PTPRS: variants seen among roughly 807,000 people sequenced by gnomAD.
PTPRS encodes the protein receptor-type tyrosine-protein phosphatase S.
PTPRS carries 63 observed loss-of-function variants against 215.3 expected under a neutral mutation model. That is an observed-to-expected ratio of 0.29 (90% confidence interval 0.24 to 0.36). The LOEUF (loss-of-function observed/expected upper bound fraction) is 0.36, where lower values mean the gene tolerates loss of function less well. Ranked by LOEUF, PTPRS falls within the 10% of genes least tolerant of loss-of-function variation. The pLI is 1.00. For missense variants in PTPRS, 2,258 were observed against 2,825.8 expected, an observed-to-expected ratio of 0.80 and a Z score of 4.56; for synonymous variants, 1,404 against 1,191.4, an observed-to-expected ratio of 1.18 and a Z score of -3.68.
rs761238630 is a variant in PTPRS at position 5,214,344 on chromosome 19, C to G, written c.4614+17G>C. 6.2e-7 allele frequency: 1 copy of G among 1,613,958 alleles called. No homozygotes were observed. The highest frequency in any genetic ancestry group is 1.1e-5 in the South Asian group (1 of 91,078). On this transcript the variant is annotated intron_variant, in intron 30 of 37. Transcript: ENST00000262963. ...CATTCCTCCACCCTCAGCCCCCAGC[C>G]CCAGCCTGGGCCCCACCTTGTGCAG... is the stretch of plus-strand genomic sequence containing the variant.
At chr19:5,211,405 T>G (rs1366286023) in intron 33 of PTPRS, among the ~76,000 whole-genome samples, 185 bp downstream of exon 33, 1 of 152,130 alleles carries the variant, frequency 6.6e-6, no homozygotes, top group Non-Finnish European at 1.5e-5. Flanking sequence ...CAGCCATCAG[T>G]TAAACACACA....
chr19:5,306,813 C>T (rs767526805), intron 1 of PTPRS, among the ~76,000 whole-genome samples: 12 of 152,154 alleles, frequency 7.9e-5, no homozygotes, highest in African/African-American at 1.4e-4. Flanking sequence ...ATGAGTAGGT[C>T]CTAATAGTCC....
chr19:5,325,466 C>T (rs16992922), intron 1 of PTPRS, among the ~76,000 whole-genome samples: 20,004 of 152,278 alleles, frequency 0.13, 2,152 homozygotes, highest in African/African-American at 0.28. Flanking sequence ...CTCAAACCAG[C>T]GCATCTGAGA....
chr19:5,231,618 A>G lies in PTPRS; in HGVS notation c.1850-3T>C. 4.4e-6 allele frequency: 2 copies of G among 458,280 alleles called. No individual in the cohort carries two copies. The highest frequency in any genetic ancestry group is 5.6e-6 in the Non-Finnish European group (2 of 357,972). 28.4% of individuals were successfully genotyped at this position (458,280 alleles called of 1,614,324 possible). ...GTCTTGAGGGGGGGCTGACGGTTCT[A>G]TTGGAGGGGGGGAGAACGTGGGGGG... On this transcript the variant is annotated splice_region_variant and splice_polypyrimidine_tract_variant and intron_variant, in intron 13 of 37. Coordinates refer to ENST00000262963, the MANE Select transcript of PTPRS (RefSeq NM_002850.4).
rs2044309077 is a variant in PTPRS, at chr19:5,244,588, C to T, written c.989-106G>A. On this transcript the variant is annotated intron_variant, in intron 10 of 37. Coordinates refer to ENST00000262963, the MANE Select transcript of PTPRS (RefSeq NM_002850.4). The surrounding 1 kb of genome is among the most constrained non-coding windows in gnomAD (Gnocchi z 7.2). ...GTCGCCTTCTCTGAGCCTTGATTTGCCCAGCAGTAATCATGGGCCTCATGA... is the reference window on the plus strand; with the variant it reads ...GTCGCCTTCTCTGAGCCTTGATTTGTCCAGCAGTAATCATGGGCCTCATGA... 1.1e-6 allele frequency: 1 copy of T among 909,464 alleles called. No homozygotes were observed. Among genetic ancestry groups the T allele is most frequent in the East Asian group, 2.6e-5 (1 of 38,294 alleles). The allele number at this position is 909,464 out of a possible 1,614,324, so 56.3% of individuals were successfully genotyped here. A position where few individuals can be genotyped will look rare whatever the true frequency, so the allele number is the denominator to read the frequency against.
chr19:5,313,088 T>C (rs959546502), intron 1 of PTPRS, among the ~76,000 whole-genome samples: 7 of 152,198 alleles, frequency 4.6e-5, no homozygotes, highest in African/African-American at 1.4e-4. Context: ...CTAATTTTTT[T>C]GTATTTTTAG....
chr19:5,259,564 C>A (rs540950492), intron 7 of PTPRS, among the ~76,000 whole-genome samples: 27 of 152,336 alleles, frequency 1.8e-4, no homozygotes, highest in African/African-American at 5.3e-4. Flanking sequence ...TTTGTAATCA[C>A]AGGCCTGGAT....
chr19:5,254,411 A>G (rs1438792331), intron 9 of PTPRS, among the ~76,000 whole-genome samples: 2 of 136,312 alleles, frequency 1.5e-5, no homozygotes, highest in Non-Finnish European at 3.0e-5. Flanking sequence ...CTACACGGAT[A>G]TTTTATTGGG....
rs540525308 is a variant in PTPRS at position 5,237,773 on chromosome 19, G to A, written c.1849+1146C>T. On this transcript the variant is annotated intron_variant, in intron 13 of 37. Transcript: ENST00000262963. This position sits in a 1 kb window ranked among gnomAD's most constrained non-coding sequence, Gnocchi z 4.2. ...CTCACTGACTCCACCTCACACAGAC[G>A]CGCCCAGACGCCTTGGAGCCGCCAG... Among the ~76,000 whole-genome samples, 6 of 152,218 alleles carry A rather than the reference G, an allele frequency of 3.9e-5. No individual in the cohort carries two copies. Among genetic ancestry groups the A allele is most frequent in the South Asian group, 2.1e-4 (1 of 4,820 alleles).
chr19:5,295,830 T>A lies in PTPRS; in HGVS notation c.-94-9596A>T, dbSNP rs1175168552. ...ATCATGGCTCACTCTAGCCTCAACC[T>A]CCTGGGCTCAACCTCCTGGGCTCAA... is the stretch of plus-strand genomic sequence containing the variant. On this transcript the variant is annotated intron_variant, in intron 1 of 37. Coordinates refer to ENST00000262963, the MANE Select transcript of PTPRS (RefSeq NM_002850.4). The surrounding 1 kb of genome is among the most constrained non-coding windows in gnomAD (Gnocchi z 4.6). Among the ~76,000 whole-genome samples, 1 of 151,828 alleles carries A rather than the reference T, an allele frequency of 6.6e-6. No individual in the cohort carries two copies. Among genetic ancestry groups the A allele is most frequent in the African/African-American group, 2.4e-5 (1 of 41,214 alleles).
At chr19:5,225,412 A>T (rs750722629) in intron 17 of PTPRS, among the ~76,000 whole-genome samples, 9 of 152,204 alleles carry the variant, frequency 5.9e-5, no homozygotes, top group Non-Finnish European at 1.2e-4. Context: ...CAGCAGGGGA[A>T]GGGGTATCCT....
Position 5,287,170 on chromosome 19 carries a change from T to C in PTPRS, c.-94-936A>G, listed in dbSNP as rs2048416780. Among the ~76,000 whole-genome samples the C allele has an allele frequency of 6.6e-6, 1 of 152,044 alleles. No individual in the cohort carries two copies. The highest frequency in any genetic ancestry group is 1.5e-5 in the Non-Finnish European group (1 of 67,986). ...TCAGTCCCACCTCCAAGCCTTTGCT[T>C]CTGCTGTGCCCTCTGCCTGGAATGC... is the stretch of plus-strand genomic sequence containing the variant. On this transcript the variant is annotated intron_variant, in intron 1 of 37. Coordinates refer to ENST00000262963, the MANE Select transcript of PTPRS (RefSeq NM_002850.4). The surrounding 1 kb of genome is among the most constrained non-coding windows in gnomAD (Gnocchi z 4.8).
chr19:5,211,071 T>C (rs966005107), intron 33 of PTPRS, among the ~76,000 whole-genome samples: 1 of 152,182 alleles, frequency 6.6e-6, no homozygotes, highest in Non-Finnish European at 1.5e-5. Context: ...CTTCCCTCCA[T>C]CTCCTTCAAG....
intron 1 of PTPRS, among the ~76,000 whole-genome samples, chr19:5,307,049 A>C (rs1600088329): frequency 1.3e-5 from 2 of 152,242 alleles, no homozygotes; most frequent in East Asian, 3.8e-4. Context: ...TCACGCCTGC[A>C]ATCCCAGCAC....
Position 5,238,951 on chromosome 19 carries a change from G to T in PTPRS, c.1817C>A (p.Thr606Asn), listed in dbSNP as rs750809679. ...ARSPQGLGAF[T>N]PVVRQRTLQS... ...CAGCGTGCGCTGCCGCACCACGGGG[G>T]TGAAGGCGCCCAGGCCCTGCGGCGA... The change falls in exon 13 of 38, where the codon ACC (threonine) becomes AAC (asparagine). Residue 606 changes from threonine to asparagine, a missense_variant. Physicochemically the swap from Thr to Asn is moderately conservative, Grantham distance 65 (BLOSUM62 0). Around this residue, in one of 6 missense-constraint regions of PTPRS, gnomAD observed 371 missense variants for 446.7 expected, o/e 0.83. Coordinates refer to ENST00000262963, the MANE Select transcript of PTPRS (RefSeq NM_002850.4). 1.9e-6 allele frequency: 3 copies of T among 1,611,150 alleles called. No homozygotes were observed. The highest frequency in any genetic ancestry group is 2.7e-5 in the African/African-American group (2 of 74,796).
At chr19:5,269,559 C>T (rs925565984) in intron 4 of PTPRS, among the ~76,000 whole-genome samples, 2 of 151,964 alleles carry the variant, frequency 1.3e-5, no homozygotes, top group Non-Finnish European at 2.9e-5. Context: ...ATCCAAGGCC[C>T]CGGGCCCCAG....
chr19:5,245,398 C>T (rs1325771377), intron 10 of PTPRS, among the ~76,000 whole-genome samples: 1 of 152,182 alleles, frequency 6.6e-6, no homozygotes, highest in African/African-American at 2.4e-5. Flanking sequence ...AAGCAGTCCT[C>T]CTGCCTCAGC....
rs573014204 is a variant in PTPRS at position 5,281,772 on chromosome 19, G to A, written c.91+4278C>T. On this transcript the variant is annotated intron_variant, in intron 2 of 37. Coordinates refer to ENST00000262963, the MANE Select transcript of PTPRS (RefSeq NM_002850.4). ...GCTGCTGGAAGGAAGGGCAGAAGCT[G>A]GCTGAGGGTAGAGACGCATCCAGCT... Among the ~76,000 whole-genome samples, 3 of 152,282 alleles carry A rather than the reference G, an allele frequency of 2.0e-5. No individual in the cohort carries two copies. The South Asian group carries it at 6.2e-4, about 32-fold the overall frequency.
Position 5,275,226 on chromosome 19 carries a change from A to G in PTPRS, c.92-882T>C, listed in dbSNP as rs4807018. ...GCTGGGACTACAGGTGCCCACCACC[A>G]TGCCCGGCTAACTTTTTGTATTTTT... On this transcript the variant is annotated intron_variant, in intron 2 of 37. Coordinates refer to ENST00000262963, the MANE Select transcript of PTPRS (RefSeq NM_002850.4). Among the ~76,000 whole-genome samples the G allele has an allele frequency of 4.8e-3, 733 of 151,752 alleles. 19 individuals carry two copies. The highest frequency in any genetic ancestry group is 0.044 in the Admixed American group (674 of 15,250).
Sources: allele counts gnomAD v4.1 joint callset (sites outside exome capture counted in the v4.1 genomes callset), GRCh38; gene constraint gnomAD v4.1.1; regional missense constraint gnomAD v4.1.1; non-coding constraint Gnocchi (gnomAD v3.1); transcripts MANE v1.5; gene names NCBI Gene and HGNC (gene_info 2026-07-23, HGNC 2026-07-21).